The following LEKR1 variants were observed in gnomAD, a reference collection of about 807,000 sequenced individuals.
LEKR1 encodes protein LEKR1.
LEKR1 carries 59 observed loss-of-function variants against 72.4 expected under a neutral mutation model. The observed-to-expected ratio is 0.82, with a 90% CI of 0.66 to 1.01. LEKR1 has a LOEUF of 1.01. Ranked by LOEUF, LEKR1 falls within the 50% of genes least tolerant of loss-of-function variation. The probability of loss-of-function intolerance (pLI) is 0.00; values close to 1 mark genes in which losing one functional copy is unlikely to be tolerated. For missense variants in LEKR1, 728 were observed against 759.2 expected (o/e 0.96, Z 0.48); for synonymous variants, 257 against 263.2 (o/e 0.98, Z 0.23).
intron 12 of LEKR1, among the ~76,000 whole-genome samples, chr3:157,042,008 C>T (rs185654285): frequency 1.7e-3 from 259 of 152,200 alleles, no homozygotes; most frequent in Middle Eastern, 0.014. Context: ...AATAGCAATC[C>T]CCTATATTTC....
intron 9 of LEKR1, 48 bp from the exon 10 acceptor site, chr3:157,011,365 T>A (rs759499222): frequency 8.0e-7 from 1 of 1,249,076 alleles, no homozygotes; most frequent in Non-Finnish European, 1.2e-6. Context: ...ACTTAGGAAT[T>A]GTGTTAGGGG....
At chr3:156,846,145 A>T (rs1441595140) in intron 2 of LEKR1, among the ~76,000 whole-genome samples, 1 of 152,142 alleles carries the variant, frequency 6.6e-6, no homozygotes, top group African/African-American at 2.4e-5. Flanking sequence ...TATATATATA[A>T]ATGCAGTTGA....
At chr3:156,841,813 T>A (rs1314533030) in intron 2 of LEKR1, among the ~76,000 whole-genome samples, 1 of 152,184 alleles carries the variant, frequency 6.6e-6, no homozygotes, top group African/African-American at 2.4e-5. Flanking sequence ...CTGGGCAGTG[T>A]ATTTAATCAG....
At chr3:156,930,611 T>C (rs1049377249) in intron 5 of LEKR1, among the ~76,000 whole-genome samples, 2 of 152,148 alleles carry the variant, frequency 1.3e-5, no homozygotes, top group Admixed American at 1.3e-4. Context: ...AATACATAAT[T>C]TAAAAGATAA....
At chr3:157,001,497 G>A (rs1395619488) in intron 9 of LEKR1, among the ~76,000 whole-genome samples, 4 of 152,024 alleles carry the variant, frequency 2.6e-5, no homozygotes, top group Non-Finnish European at 5.9e-5. Context: ...TGCAATTAAG[G>A]GAATCTGGAT....
intron 5 of LEKR1, among the ~76,000 whole-genome samples, chr3:156,937,841 C>A (rs193080889): frequency 3.3e-4 from 50 of 152,176 alleles, no homozygotes; most frequent in Admixed American, 1.4e-3. Context: ...CAGAAGGGAA[C>A]AAATTATTAA....
Position 156,943,548 on chromosome 3 carries a change from G to C in LEKR1, c.745+834G>C, listed in dbSNP as rs1726413639. ...CTACGTTCCTAGTAAATGGCAGAGA[G>C]TAAAAGCAAAACCGGTTGGACTTCA... On this transcript the variant is annotated intron_variant, in intron 6 of 12. Transcript: ENST00000356539. 2.0e-5 allele frequency among the ~76,000 whole-genome samples: 3 copies of C among 152,054 alleles called. No homozygotes were observed. In the South Asian group the frequency reaches 6.2e-4, roughly 32 times the overall value.
chr3:156,902,914 A>G (rs540103452), intron 3 of LEKR1, among the ~76,000 whole-genome samples: 3 of 152,198 alleles, frequency 2.0e-5, no homozygotes, highest in Admixed American at 6.5e-5. Flanking sequence ...CCATAATGTA[A>G]GCATTTTTCT....
chr3:156,932,295 A>G (rs932980117), intron 5 of LEKR1, among the ~76,000 whole-genome samples: 6 of 152,206 alleles, frequency 3.9e-5, no homozygotes, highest in Admixed American at 1.3e-4. Flanking sequence ...TTTCACTTCT[A>G]ACAATTTTGT....
At chr3:156,931,772 C>T (rs924639301) in intron 5 of LEKR1, among the ~76,000 whole-genome samples, 6 of 151,672 alleles carry the variant, frequency 4.0e-5, no homozygotes, top group Admixed American at 2.0e-4. Flanking sequence ...TTCATTTATA[C>T]GATGTTCTAG....
intron 9 of LEKR1, among the ~76,000 whole-genome samples, chr3:157,005,921 T>A (rs182556204): frequency 6.6e-6 from 1 of 150,950 alleles, no homozygotes; most frequent in East Asian, 1.9e-4. Flanking sequence ...ACCAATAAAA[T>A]AAGCACATAA....
At chr3:156,832,300 A>G (rs16826825) in intron 2 of LEKR1, among the ~76,000 whole-genome samples, 10,021 of 152,296 alleles carry the variant, frequency 0.066, 398 homozygotes, top group African/African-American at 0.1. Flanking sequence ...AATGACCCCA[A>G]GAATCAATCA....
At chr3:156,901,315 C>T (rs180762916) in intron 3 of LEKR1, among the ~76,000 whole-genome samples, 5 of 152,124 alleles carry the variant, frequency 3.3e-5, no homozygotes, top group East Asian at 3.9e-4. Context: ...TTCCAGGACA[C>T]GCAAAGAAGC....
At position 156,883,035 on chromosome 3, in the gene LEKR1, G is replaced by A. The variant is rs369013252; in HGVS notation, c.263+30053G>A. Among the ~76,000 whole-genome samples, 270 of 152,192 alleles carry A rather than the reference G, an allele frequency of 1.8e-3. 6 individuals carry two copies. In the South Asian group the frequency reaches 0.032, roughly 18 times the overall value. ...GGGGAGGGGGGAGAGATAGCATTGG[G>A]ATATATACCTAATGCCAGATGACGT... On this transcript the variant is annotated intron_variant, in intron 3 of 12. Coordinates refer to ENST00000356539, the MANE Select transcript of LEKR1 (RefSeq NM_001004316.3).
At chr3:156,895,944 A>G (rs1333829775) in intron 3 of LEKR1, among the ~76,000 whole-genome samples, 1 of 152,230 alleles carries the variant, frequency 6.6e-6, no homozygotes, top group Non-Finnish European at 1.5e-5. Flanking sequence ...AATAGCAAAG[A>G]TATGGAATCA....
At chr3:156,957,709 A>G (rs1188938693) in intron 6 of LEKR1, among the ~76,000 whole-genome samples, 2 of 152,120 alleles carry the variant, frequency 1.3e-5, no homozygotes, top group African/African-American at 2.4e-5. Flanking sequence ...ATGCAGTTGT[A>G]GATAGAATAT....
At chr3:156,900,596 T>C (rs1415544812) in intron 3 of LEKR1, among the ~76,000 whole-genome samples, 1 of 152,192 alleles carries the variant, frequency 6.6e-6, no homozygotes, top group Non-Finnish European at 1.5e-5. Flanking sequence ...CCAGTAGGCA[T>C]GAAACTTCCA....
At chr3:156,896,168 G>T (rs143895897) in intron 3 of LEKR1, among the ~76,000 whole-genome samples, 2 of 152,128 alleles carry the variant, frequency 1.3e-5, no homozygotes, top group African/African-American at 2.4e-5. Context: ...GAGAACACAT[G>T]GGGGGAAAGA....
intron 3 of LEKR1, among the ~76,000 whole-genome samples, chr3:156,907,286 T>C (rs1262864395): frequency 6.6e-6 from 1 of 152,110 alleles, no homozygotes; most frequent in African/African-American, 2.4e-5. Flanking sequence ...TATGTACATA[T>C]AGAACTATCG....
Sources: gnomAD v4.1 joint callset for allele counts (sites outside exome capture counted in the v4.1 genomes callset) on GRCh38, gnomAD v4.1.1 for gene constraint, MANE v1.5 for transcripts, NCBI Gene and HGNC (gene_info 2026-07-23, HGNC 2026-07-21) for gene names.